The following HIVEP3 variants were observed in gnomAD, a reference collection of about 807,000 sequenced individuals.
The protein encoded by HIVEP3 is transcription factor HIVEP3.
HIVEP3 carries 49 observed loss-of-function variants against 152.8 expected under a neutral mutation model. The observed-to-expected ratio is 0.32, with a 90% CI of 0.26 to 0.41. The LOEUF is 0.41. HIVEP3 is among the 10% of genes least tolerant of loss of function. The pLI is 1.00. For missense variants in HIVEP3, 2,790 were observed against 3,103.3 expected, an observed-to-expected ratio of 0.90 and a Z score of 2.40; for synonymous variants, 1,269 against 1,289.0, an observed-to-expected ratio of 0.98 and a Z score of 0.33.
At position 41,507,144 on chromosome 1, in the gene HIVEP3, T is replaced by C. The variant is rs923771220; in HGVS notation, c.*3307A>G. The C allele has an allele frequency of 2.6e-5, 4 of 152,174 alleles. No individual in the cohort carries two copies. The highest frequency in any genetic ancestry group is 4.4e-5 in the Non-Finnish European group (3 of 68,034). The allele number at this position is 152,174 out of a possible 1,614,324, so 9.4% of individuals were successfully genotyped here. On this transcript the variant is annotated 3_prime_UTR_variant, in exon 9 of 9. Transcript: ENST00000372583. ...GGACTAGAGAGAAATCCAGCTCAGA[T>C]GTATTGCTCATTCCTCTTCAGAAGG...
rs146008587 is a variant in HIVEP3 at position 41,794,946 on chromosome 1, G to A, written c.-800-93951C>T. On this transcript the variant is annotated intron_variant, in intron 1 of 8. Coordinates refer to ENST00000372583, the MANE Select transcript of HIVEP3 (RefSeq NM_024503.5). ...AACTAGAAATTTATTTATTTATTTA[G>A]AGACAGGGTCTTGCTCTGTTGCCCA... Among the ~76,000 whole-genome samples the A allele has an allele frequency of 3.9e-5, 6 of 152,252 alleles. No individual in the cohort carries two copies. The East Asian group carries it at 1.2e-3, about 29-fold the overall frequency.
chr1:41,825,804 C>G (rs1642786658), intron 1 of HIVEP3, among the ~76,000 whole-genome samples: 1 of 151,588 alleles, frequency 6.6e-6, no homozygotes, highest in Non-Finnish European at 1.5e-5. Flanking sequence ...GACGGGGTCT[C>G]TCCATGTTGC....
intron 1 of HIVEP3, among the ~76,000 whole-genome samples, chr1:41,709,333 A>T (rs755743887): frequency 6.6e-6 from 1 of 152,212 alleles, no homozygotes; most frequent in Non-Finnish European, 1.5e-5. Context: ...AGCGAGCTTT[A>T]AACCTGGGAA....
chr1:41,983,010 A>G (rs1351718258), intron 1 of HIVEP3, among the ~76,000 whole-genome samples: 4 of 152,220 alleles, frequency 2.6e-5, no homozygotes, highest in Admixed American at 6.5e-5. Flanking sequence ...ACAGATGATC[A>G]GGCTTTAGTT....
intron 1 of HIVEP3, among the ~76,000 whole-genome samples, chr1:41,868,812 T>G (rs1644028692): frequency 6.6e-6 from 1 of 152,242 alleles, no homozygotes; most frequent in Non-Finnish European, 1.5e-5. Context: ...CTTTACCATC[T>G]GTTAATTGGG....
intron 2 of HIVEP3, among the ~76,000 whole-genome samples, chr1:41,677,553 T>C (rs1396599037): frequency 6.6e-6 from 1 of 152,200 alleles, no homozygotes; most frequent in Non-Finnish European, 1.5e-5. Flanking sequence ...GCCTAGAATG[T>C]TCTTGGCTAG....
At chr1:41,771,726 T>G (rs1648385131) in intron 1 of HIVEP3, among the ~76,000 whole-genome samples, 1 of 152,172 alleles carries the variant, frequency 6.6e-6, no homozygotes, top group African/African-American at 2.4e-5. Flanking sequence ...TGGAGTGCAG[T>G]GGTGTAATCT....
In HIVEP3 at chr1:41,582,638, G is replaced by T. The variant is rs1182120744; in HGVS notation, c.2160C>A (p.Ser720Arg). The T allele has an allele frequency of 6.2e-7, 1 of 1,614,062 alleles. No individual in the cohort carries two copies. Among genetic ancestry groups the T allele is most frequent in the Middle Eastern group, 1.6e-4 (1 of 6,062 alleles). Residue 720 changes from serine (S) to arginine (R), a missense_variant, in exon 4 of 9, where the codon AGC becomes AGA. Coordinates refer to ENST00000372583, the MANE Select transcript of HIVEP3 (RefSeq NM_024503.5). This position sits in a 1 kb window ranked among gnomAD's most constrained non-coding sequence, Gnocchi z 4.7. ...CAGGTGGCTCTTCCTCGTCCCCAAG[G>T]CTCTTCTCTTTCCTCCTCTTCCTCA... Reference protein sequence around the residue: ...TPLRKRRKEKSLGDEEEPPAF... With the variant: ...TPLRKRRKEKRLGDEEEPPAF...
intron 1 of HIVEP3, among the ~76,000 whole-genome samples, chr1:41,744,993 T>C (rs564157187): frequency 2.4e-4 from 37 of 152,200 alleles, no homozygotes; most frequent in African/African-American, 8.9e-4. Flanking sequence ...TCAGAAGAGC[T>C]TGGATGTCAG....
intron 2 of HIVEP3, among the ~76,000 whole-genome samples, chr1:41,653,456 T>A (rs1645581882): frequency 6.6e-6 from 1 of 152,158 alleles, no homozygotes; most frequent in African/African-American, 2.4e-5. Context: ...GCCATTGGAC[T>A]TTCATTTTCT....
In HIVEP3 at chr1:41,716,843, C is replaced by T. The variant is rs374668886; in HGVS notation, c.-800-15848G>A. 3.9e-5 allele frequency among the ~76,000 whole-genome samples: 6 copies of T among 152,306 alleles called. No homozygotes were observed. In the East Asian group the frequency reaches 7.7e-4, roughly 20 times the overall value. On this transcript the variant is annotated intron_variant, in intron 1 of 8. Transcript: ENST00000372583. ...TGAACGAAGCCGGTTAGAAGCCAGG[C>T]TGCATCAGACACCACTGCCTTCCTC...
At chr1:41,857,407 T>C (rs1006120060) in intron 1 of HIVEP3, among the ~76,000 whole-genome samples, 9 of 151,988 alleles carry the variant, frequency 5.9e-5, no homozygotes, top group African/African-American at 2.2e-4. Flanking sequence ...CAAGGGTCAA[T>C]ACCACCCCAG....
chr1:41,526,412 A>C (rs1308815353), intron 5 of HIVEP3, among the ~76,000 whole-genome samples: 4 of 101,152 alleles, frequency 4.0e-5, no homozygotes, highest in Non-Finnish European at 6.0e-5. Flanking sequence ...ACACCCCCAC[A>C]CTCACCCTCA....
intron 2 of HIVEP3, among the ~76,000 whole-genome samples, chr1:41,639,149 T>G (rs193245149): frequency 3.9e-4 from 60 of 152,322 alleles, no homozygotes; most frequent in African/African-American, 1.4e-3. Context: ...CTATTTTCAG[T>G]TTTATTTGTT....
intron 2 of HIVEP3, among the ~76,000 whole-genome samples, chr1:41,679,083 A>G (rs1645999572): frequency 1.3e-5 from 2 of 152,100 alleles, no homozygotes; most frequent in South Asian, 4.1e-4. Flanking sequence ...GGGTGGGAGG[A>G]CTCATATCAC....
At chr1:42,019,301 G>A (rs770900554) in intron 1 of HIVEP3, among the ~76,000 whole-genome samples, 5 of 151,866 alleles carry the variant, frequency 3.3e-5, no homozygotes, top group Non-Finnish European at 7.4e-5. Flanking sequence ...ATTTTGAATG[G>A]CTTGTATAAT....
chr1:41,713,066 T>C (rs1646538821), intron 1 of HIVEP3, among the ~76,000 whole-genome samples: 1 of 152,204 alleles, frequency 6.6e-6, no homozygotes, highest in Admixed American at 6.5e-5. Flanking sequence ...CAAAACTGGA[T>C]GCTGGGCCAT....
upstream of HIVEP3, among the ~76,000 whole-genome samples, chr1:41,922,444 C>T (rs943518215): frequency 1.3e-5 from 2 of 152,066 alleles, no homozygotes; most frequent in African/African-American, 4.8e-5. Flanking sequence ...AATTATATCA[C>T]CCAAACACCC....
intron 1 of HIVEP3, among the ~76,000 whole-genome samples, chr1:41,855,836 T>C (rs1643750691): frequency 6.6e-6 from 1 of 152,200 alleles, no homozygotes; most frequent in African/African-American, 2.4e-5. Context: ...ATTGTCTTGG[T>C]GATGGCCAGA....
Sources: allele counts gnomAD v4.1 joint callset (sites outside exome capture counted in the v4.1 genomes callset), GRCh38; gene constraint gnomAD v4.1.1; non-coding constraint Gnocchi (gnomAD v3.1); transcripts MANE v1.5; gene names NCBI Gene and HGNC (gene_info 2026-07-23, HGNC 2026-07-21).